Variants in DPP10 observed in about 807,000 individuals in gnomAD.
The protein encoded by DPP10 is inactive dipeptidyl peptidase 10.
DPP10 carries 33 observed loss-of-function variants against 120.9 expected under a neutral mutation model. The observed-to-expected ratio is 0.27, with a 90% confidence interval of 0.21 to 0.37. The LOEUF (loss-of-function observed/expected upper bound fraction) is 0.37. DPP10 is among the 10% of genes least tolerant of loss of function. DPP10 has a pLI of 1.00. For synonymous variants in DPP10, 337 were observed against 326.1 expected, an observed-to-expected ratio of 1.03 and a Z score of -0.36; for missense variants, 816 against 942.8, an observed-to-expected ratio of 0.87 and a Z score of 1.76.
intron 5 of DPP10, among the ~76,000 whole-genome samples, chr2:115,573,618 C>T (rs1327019137): frequency 7.4e-4 from 77 of 103,368 alleles, no homozygotes; most frequent in African/African-American, 8.1e-4. Flanking sequence ...GACAGAGTCT[C>T]ACTCTGTCAC....
chr2:115,779,699 A>C (rs139181261), intron 15 of DPP10, among the ~76,000 whole-genome samples: 1 of 152,150 alleles, frequency 6.6e-6, no homozygotes. Flanking sequence ...AATGTTGTGA[A>C]TGTAATTAAT....
chr2:115,493,327 A>T (rs1459897373), intron 3 of DPP10, among the ~76,000 whole-genome samples: 1 of 152,028 alleles, frequency 6.6e-6, no homozygotes, highest in Non-Finnish European at 1.5e-5. Context: ...TGGAATTTTG[A>T]GGGAGAGTAG....
intron 1 of DPP10, among the ~76,000 whole-genome samples, chr2:114,712,190 C>T (rs1701071645): frequency 6.6e-6 from 1 of 152,080 alleles, no homozygotes; most frequent in Non-Finnish European, 1.5e-5. Context: ...CGTGATGGTG[C>T]ATGCCTGTAA....
chr2:115,788,478 G>T (rs979541854), intron 17 of DPP10, among the ~76,000 whole-genome samples: 3 of 152,012 alleles, frequency 2.0e-5, no homozygotes, highest in African/African-American at 7.2e-5. Context: ...TCCCTGACAA[G>T]ATCAATAAAG....
intron 1 of DPP10, among the ~76,000 whole-genome samples, chr2:114,719,806 A>G (rs1701590544): frequency 6.6e-6 from 1 of 152,172 alleles, no homozygotes; most frequent in South Asian, 2.1e-4. Context: ...CTTCTTAGGG[A>G]AAGGAGATGA....
chr2:115,089,538 T>C (rs966808906), intron 1 of DPP10, among the ~76,000 whole-genome samples: 1 of 152,180 alleles, frequency 6.6e-6, no homozygotes, highest in African/African-American at 2.4e-5. Flanking sequence ...TTTCCTCCCA[T>C]ACTGTACAAA....
intron 2 of DPP10, among the ~76,000 whole-genome samples, chr2:115,340,746 A>G (rs754252010): frequency 6.6e-6 from 1 of 151,544 alleles, no homozygotes; most frequent in Non-Finnish European, 1.5e-5. Flanking sequence ...GCATGCATAT[A>G]AAAGAAATTT....
intron 1 of DPP10, among the ~76,000 whole-genome samples, chr2:114,517,755 A>C (rs1684719214): frequency 6.6e-6 from 1 of 152,218 alleles, no homozygotes; most frequent in African/African-American, 2.4e-5. Flanking sequence ...GGCACAGAAT[A>C]GCTAAAGTTT....
intron 5 of DPP10, among the ~76,000 whole-genome samples, chr2:115,575,975 A>G (rs1204003461): frequency 6.6e-6 from 1 of 152,218 alleles, no homozygotes; most frequent in East Asian, 1.9e-4. Flanking sequence ...ACTGAATTTT[A>G]CCAGTAATCT....
chr2:114,593,709 C>T (rs544552762), intron 1 of DPP10, among the ~76,000 whole-genome samples: 55 of 152,164 alleles, frequency 3.6e-4, no homozygotes, highest in African/African-American at 1.1e-3. Context: ...GCCTAGCAAA[C>T]GGGTCTAGCT....
chr2:115,286,493 TA>T (rs2060384021), intron 1 of DPP10, among the ~76,000 whole-genome samples: 1 of 9,254 alleles, frequency 1.1e-4, no homozygotes, highest in Non-Finnish European at 3.5e-4. Flanking sequence ...ATATATATAA[TA>T]TATATATATT....
intron 3 of DPP10, among the ~76,000 whole-genome samples, chr2:115,352,951 G>C (rs2064132994): frequency 6.6e-6 from 1 of 151,678 alleles, no homozygotes; most frequent in Non-Finnish European, 1.5e-5. Flanking sequence ...ATTTGATACA[G>C]TCTTCACTTA....
intron 1 of DPP10, among the ~76,000 whole-genome samples, chr2:114,909,967 A>G (rs1694247016): frequency 1.3e-5 from 2 of 151,884 alleles, no homozygotes; most frequent in South Asian, 2.1e-4. Flanking sequence ...TAGGTCCTAG[A>G]ATCATCCAAT....
intron 1 of DPP10, among the ~76,000 whole-genome samples, chr2:115,167,068 C>T (rs751735205): frequency 3.9e-5 from 6 of 152,236 alleles, no homozygotes; most frequent in South Asian, 4.1e-4. Flanking sequence ...CCGCCAAAGA[C>T]CAGTGTGTTT....
intron 1 of DPP10, among the ~76,000 whole-genome samples, chr2:114,892,844 G>A (rs1490252420): frequency 6.6e-6 from 1 of 152,192 alleles, no homozygotes; most frequent in Non-Finnish European, 1.5e-5. Context: ...GACACAGGAT[G>A]GAGTCCTGGA....
At position 115,827,294 on chromosome 2, in the gene DPP10, C is replaced by T. The variant is rs1243996524; in HGVS notation, c.1951-8863C>T. Among the ~76,000 whole-genome samples the T allele has an allele frequency of 4.9e-5, 7 of 141,938 alleles. No individual in the cohort carries two copies. In the East Asian group the frequency reaches 1.4e-3, roughly 28 times the overall value. 93.1% of individuals were successfully genotyped at this position (141,938 alleles called of 152,430 possible). ...ATGTATGTATACACATACATATATA[C>T]ACATACATATATATACACATGTACA... On this transcript the variant is annotated intron_variant, in intron 21 of 25. Coordinates refer to ENST00000410059, the MANE Select transcript of DPP10 (RefSeq NM_020868.6).
chr2:114,813,506 T>A (rs922991806), intron 1 of DPP10, among the ~76,000 whole-genome samples: 1 of 152,176 alleles, frequency 6.6e-6, no homozygotes, highest in South Asian at 2.1e-4. Flanking sequence ...TTCTCAACAA[T>A]CCTGTGCCTA....
At chr2:115,246,748 ATATG>A (rs2058551969) in intron 1 of DPP10, among the ~76,000 whole-genome samples, 1 of 152,114 alleles carries the variant, frequency 6.6e-6, no homozygotes, top group Admixed American at 6.6e-5. Context: ...TTATTTTACT[ATATG>A]TATACTTATT....
chr2:114,620,844 C>G (rs1360731137), intron 1 of DPP10, among the ~76,000 whole-genome samples: 1 of 152,076 alleles, frequency 6.6e-6, no homozygotes, highest in African/African-American at 2.4e-5. Context: ...ATTTTCTTAT[C>G]CTAAGATATC....
Sources: gnomAD v4.1 joint callset for allele counts (sites outside exome capture counted in the v4.1 genomes callset) on GRCh38, gnomAD v4.1.1 for gene constraint, MANE v1.5 for transcripts, NCBI Gene and HGNC (gene_info 2026-07-23, HGNC 2026-07-21) for gene names.